The following XKR6 variants were observed in gnomAD, a reference collection of about 807,000 sequenced individuals.
The protein encoded by XKR6 is XK related 6, also known as XK-related protein 6.
XKR6 carries 22 observed loss-of-function variants against 56.7 expected under a neutral mutation model. The observed-to-expected ratio is 0.39, with a 90% CI of 0.28 to 0.55. The LOEUF (loss-of-function observed/expected upper bound fraction) is 0.55. Ranked by LOEUF, XKR6 falls within the 20% of genes least tolerant of loss-of-function variation. The pLI is 0.66. For missense variants in XKR6, 852 were observed against 889.0 expected, an observed-to-expected ratio of 0.96 and a Z score of 0.53; for synonymous variants, 524 against 387.8, an observed-to-expected ratio of 1.35 and a Z score of -4.13.
chr8:11,191,340 G>A (rs967431666), intron 1 of XKR6, among the ~76,000 whole-genome samples: 3 of 152,112 alleles, frequency 2.0e-5, no homozygotes, highest in African/African-American at 4.8e-5. Flanking sequence ...CGGTATTTAG[G>A]AAAAGAGACA....
At chr8:11,050,696 C>T (rs1213568186) in intron 1 of XKR6, among the ~76,000 whole-genome samples, 1 of 152,154 alleles carries the variant, frequency 6.6e-6, no homozygotes, top group Non-Finnish European at 1.5e-5. Context: ...AAGAGAAGAG[C>T]TGTTTGGTAG....
chr8:11,164,017 T>A (rs963409741), intron 1 of XKR6, among the ~76,000 whole-genome samples: 1 of 152,196 alleles, frequency 6.6e-6, no homozygotes, highest in African/African-American at 2.4e-5. Flanking sequence ...AATGTGAGCA[T>A]GTTTTGGGGG....
chr8:10,963,210 G>A (rs1802117467), intron 1 of XKR6, among the ~76,000 whole-genome samples: 1 of 152,234 alleles, frequency 6.6e-6, no homozygotes, highest in Non-Finnish European at 1.5e-5. Context: ...CTGCTCATGT[G>A]GCTGCAGCCA....
intron 1 of XKR6, among the ~76,000 whole-genome samples, chr8:11,067,706 C>G (rs970870294): frequency 6.6e-6 from 1 of 152,240 alleles, no homozygotes; most frequent in Admixed American, 6.5e-5. Flanking sequence ...TTTCCGGGCC[C>G]CCTCCCCAAA....
chr8:11,111,268 A>G (rs953641278), intron 1 of XKR6, among the ~76,000 whole-genome samples: 1 of 152,008 alleles, frequency 6.6e-6, no homozygotes, highest in African/African-American at 2.4e-5. Context: ...GCACTAATTC[A>G]TTCAGCCAAT....
intron 1 of XKR6, among the ~76,000 whole-genome samples, chr8:11,117,876 C>G (rs907827694): frequency 6.6e-6 from 1 of 151,910 alleles, no homozygotes. Context: ...AAAACAAGAC[C>G]AATAAATACA....
intron 1 of XKR6, among the ~76,000 whole-genome samples, chr8:11,110,368 T>A (rs764148019): frequency 6.6e-5 from 10 of 152,200 alleles, no homozygotes; most frequent in Non-Finnish European, 1.2e-4. Flanking sequence ...GAGCCAGGGG[T>A]ATTGGGGTAG....
chr8:10,980,221 G>A (rs1008805296), intron 1 of XKR6, among the ~76,000 whole-genome samples: 7 of 152,180 alleles, frequency 4.6e-5, no homozygotes, highest in African/African-American at 1.7e-4. Flanking sequence ...GAGGCAGGAA[G>A]GCCAGGTTCT....
intron 1 of XKR6, among the ~76,000 whole-genome samples, chr8:10,928,474 C>A (rs1800961623): frequency 6.6e-6 from 1 of 152,270 alleles, no homozygotes; most frequent in African/African-American, 2.4e-5. Context: ...TGGGCCAGCG[C>A]TGCTCTCCCT....
At chr8:11,038,041 A>C (rs1799190801) in intron 1 of XKR6, among the ~76,000 whole-genome samples, 1 of 151,606 alleles carries the variant, frequency 6.6e-6, no homozygotes. Flanking sequence ...AAAAAAAAAA[A>C]AGATTGAATG....
intron 1 of XKR6, among the ~76,000 whole-genome samples, chr8:11,010,021 T>G (rs151329091): frequency 0.048 from 7,255 of 152,268 alleles, 566 homozygotes; most frequent in African/African-American, 0.17. Flanking sequence ...ATGGGTAATT[T>G]ATAAAGAAGA....
In XKR6 at chr8:11,062,790, GAGCC is replaced by G. The variant is rs542682443; in HGVS notation, c.764+137782_764+137785del. The G allele has an allele frequency of 3.7e-4, 170 of 456,266 alleles. 2 individuals carry two copies. Among genetic ancestry groups the G allele is most frequent in the South Asian group, 2.5e-3 (163 of 64,572 alleles). The allele number at this position is 456,266 out of a possible 1,614,324, so 28.3% of individuals were successfully genotyped here. Reference sequence around the variant, plus strand: ...TTGTTCTCTCTTTTCCCTGGGCACAGAGCCAGCCCCACCTCCCAGCCTCCTCGGC... The same window carrying G: ...TTGTTCTCTCTTTTCCCTGGGCACAGAGCCCCACCTCCCAGCCTCCTCGGC... On this transcript the variant is annotated intron_variant, in intron 1 of 2. Transcript: ENST00000416569.
intron 1 of XKR6, among the ~76,000 whole-genome samples, chr8:10,976,230 T>C (rs1056949288): frequency 2.0e-5 from 3 of 151,800 alleles, no homozygotes; most frequent in South Asian, 2.1e-4. Context: ...TGGGAGGGTT[T>C]AGTGGGGTCA....
intron 1 of XKR6, among the ~76,000 whole-genome samples, chr8:11,149,330 G>C (rs776409163): frequency 9.9e-5 from 15 of 152,134 alleles, no homozygotes; most frequent in Non-Finnish European, 2.2e-4. Context: ...ATAACAAAAT[G>C]GTAAGTATTT....
At chr8:10,963,546 CT>C (rs35470964) in intron 1 of XKR6, among the ~76,000 whole-genome samples, 82,392 of 145,984 alleles carry the variant, frequency 0.56, 25,224 homozygotes, top group African/African-American at 0.82. Context: ...AAGACCCTTC[CT>C]TTTTTTTTTT....
chr8:11,123,998 A>G (rs1371014598), intron 1 of XKR6: 3 of 455,892 alleles, frequency 6.6e-6, no homozygotes, highest in African/African-American at 6.0e-5. Context: ...AGCCTCTCTA[A>G]AACAGTCCTG....
chr8:10,912,567 T>C (rs1047719088), intron 2 of XKR6, among the ~76,000 whole-genome samples: 9 of 143,614 alleles, frequency 6.3e-5, no homozygotes, highest in African/African-American at 2.4e-4. Flanking sequence ...TGTGTATGTA[T>C]ATATATGTGT....
intron 1 of XKR6, among the ~76,000 whole-genome samples, chr8:11,134,819 G>T (rs1373201080): frequency 6.6e-6 from 1 of 151,886 alleles, no homozygotes; most frequent in Non-Finnish European, 1.5e-5. Context: ...ATTAGAAAAG[G>T]CCTAAATGAC....
intron 1 of XKR6, among the ~76,000 whole-genome samples, chr8:11,067,586 A>G (rs137948728): frequency 1.8e-4 from 27 of 152,396 alleles, no homozygotes; most frequent in African/African-American, 6.5e-4. Flanking sequence ...CTTGAAAGGT[A>G]AAGATTCTCC....
Sources: gnomAD v4.1 joint callset for allele counts (sites outside exome capture counted in the v4.1 genomes callset) on GRCh38, gnomAD v4.1.1 for gene constraint, MANE v1.5 for transcripts, NCBI Gene and HGNC (gene_info 2026-07-23, HGNC 2026-07-21) for gene names.